DCDC1: variants seen among roughly 807,000 people sequenced by gnomAD.
DCDC1 encodes doublecortin domain-containing protein 1.
A neutral mutation model predicts 178.3 loss-of-function variants in DCDC1; 200 were observed. The ratio of observed to expected loss-of-function variants is 1.12; its 90% CI spans 1.00 to 1.26. The LOEUF (loss-of-function observed/expected upper bound fraction) is 1.26, where lower values mean the gene tolerates loss of function less well. Ranked by LOEUF, DCDC1 falls within the 50% of genes most tolerant of loss-of-function variation. The probability of loss-of-function intolerance (pLI) is 0.00; values close to 1 mark genes in which losing one functional copy is unlikely to be tolerated. For missense variants in DCDC1, 1,983 were observed against 1,749.2 expected (o/e 1.13, Z -2.38); for synonymous variants, 690 against 604.8 (o/e 1.14, Z -2.07).
intron 9 of DCDC1, among the ~76,000 whole-genome samples, chr11:31,155,449 A>G (rs978076593): frequency 6.6e-6 from 1 of 152,228 alleles, no homozygotes; most frequent in Admixed American, 6.5e-5. Flanking sequence ...TTCTCAAGAC[A>G]CAAACTTTGA....
intron 20 of DCDC1, among the ~76,000 whole-genome samples, chr11:31,036,004 T>C (rs891214843): frequency 2.6e-5 from 4 of 152,226 alleles, no homozygotes; most frequent in Admixed American, 6.5e-5. Context: ...AGAGATTTTT[T>C]CAGATTGGCT....
intron 23 of DCDC1, among the ~76,000 whole-genome samples, chr11:30,924,734 G>A (rs1946488327): frequency 6.6e-6 from 1 of 152,152 alleles, no homozygotes; most frequent in Non-Finnish European, 1.5e-5. Context: ...GCCTTCTCCA[G>A]TTTCTTCCTT....
At chr11:30,978,804 ACACACACACACACACACACACACC>A (rs1057437598) in intron 20 of DCDC1, among the ~76,000 whole-genome samples, 6 of 146,874 alleles carry the variant, frequency 4.1e-5, no homozygotes, top group African/African-American at 7.5e-5. Context: ...ACACACACAC[ACACACACACACACACACACACACC>A]CCCTTCTCAG....
intron 28 of DCDC1, among the ~76,000 whole-genome samples, chr11:30,910,297 A>G (rs1945354082): frequency 6.6e-6 from 1 of 152,196 alleles, no homozygotes. Context: ...AATATGATTA[A>G]GGTACTAAAA....
intron 20 of DCDC1, among the ~76,000 whole-genome samples, chr11:31,058,570 G>A (rs1489526710): frequency 1.3e-5 from 2 of 152,096 alleles, no homozygotes; most frequent in African/African-American, 4.8e-5. Flanking sequence ...GACTAGAGCA[G>A]AGGAAGGGAG....
chr11:31,225,687 A>G lies in DCDC1; in HGVS notation c.1221+15763T>C, dbSNP rs1349125335. On this transcript the variant is annotated intron_variant, in intron 9 of 38. Transcript: ENST00000684477. ...CTCTAGAGAGGAAGCACAGGGAAGA[A>G]AAATTATATATATATATCTAGGTAG... is the stretch of plus-strand genomic sequence containing the variant. 2.0e-5 allele frequency among the ~76,000 whole-genome samples: 3 copies of G among 150,216 alleles called. No individual in the cohort carries two copies. The Admixed American group carries it at 2.0e-4, about 10-fold the overall frequency.
intron 20 of DCDC1, among the ~76,000 whole-genome samples, chr11:30,970,416 C>T (rs971583197): frequency 6.6e-6 from 1 of 152,156 alleles, no homozygotes; most frequent in Non-Finnish European, 1.5e-5. Flanking sequence ...TTGCAGCTAC[C>T]ACTGTGGCTT....
At chr11:31,002,427 C>T (rs1006584946) in intron 20 of DCDC1, among the ~76,000 whole-genome samples, 12 of 152,102 alleles carry the variant, frequency 7.9e-5, no homozygotes, top group Admixed American at 5.9e-4. Flanking sequence ...TAAGTTTTAA[C>T]GTAACTGCTG....
chr11:31,253,120 G>A (rs1944166045), intron 8 of DCDC1, among the ~76,000 whole-genome samples: 1 of 152,122 alleles, frequency 6.6e-6, no homozygotes, highest in South Asian at 2.1e-4. Context: ...GAATCATTAA[G>A]CATGAGAACT....
At chr11:31,178,894 T>C (rs759207324) in intron 9 of DCDC1, among the ~76,000 whole-genome samples, 13 of 152,082 alleles carry the variant, frequency 8.5e-5, no homozygotes, top group Non-Finnish European at 1.6e-4. Flanking sequence ...GGTTACACCA[T>C]GTTTGCCAGG....
intron 20 of DCDC1, among the ~76,000 whole-genome samples, chr11:30,955,372 A>G (rs1478199088): frequency 1.3e-5 from 2 of 152,148 alleles, no homozygotes; most frequent in Admixed American, 6.5e-5. Context: ...TCATTTATTG[A>G]AGAGTTTACT....
chr11:31,277,321 C>A (rs1946066439), intron 7 of DCDC1, among the ~76,000 whole-genome samples: 1 of 152,052 alleles, frequency 6.6e-6, no homozygotes, highest in South Asian at 2.1e-4. Flanking sequence ...TTTATCCATT[C>A]ACAGGTATAT....
At chr11:31,163,165 G>A (rs1394404304) in intron 9 of DCDC1, among the ~76,000 whole-genome samples, 1 of 152,142 alleles carries the variant, frequency 6.6e-6, no homozygotes, top group Admixed American at 6.6e-5. Flanking sequence ...GTCCACTGAA[G>A]TGCCTGGGTG....
chr11:31,079,788 T>C (rs540947981), intron 17 of DCDC1, among the ~76,000 whole-genome samples: 1 of 152,056 alleles, frequency 6.6e-6, no homozygotes, highest in Non-Finnish European at 1.5e-5. Flanking sequence ...ATTTGATGAT[T>C]GAATAAATGA....
chr11:31,223,495 A>G (rs1440295635), intron 9 of DCDC1, among the ~76,000 whole-genome samples: 1 of 152,190 alleles, frequency 6.6e-6, no homozygotes, highest in African/African-American at 2.4e-5. Flanking sequence ...TTACTTCTAG[A>G]TATATACCCT....
chr11:31,261,710 C>A (rs1400707713), intron 8 of DCDC1, among the ~76,000 whole-genome samples: 2 of 152,000 alleles, frequency 1.3e-5, no homozygotes, highest in Admixed American at 1.3e-4. Context: ...AGTAACCAAT[C>A]CCCCACGGAT....
chr11:31,139,514 C>T (rs1963567639), intron 9 of DCDC1, among the ~76,000 whole-genome samples: 1 of 152,064 alleles, frequency 6.6e-6, no homozygotes, highest in South Asian at 2.1e-4. Flanking sequence ...AAGAGAGGGA[C>T]TGGAGAATAT....
At chr11:30,909,765 CAA>C (rs1258056242) in intron 28 of DCDC1, among the ~76,000 whole-genome samples, 1 of 151,968 alleles carries the variant, frequency 6.6e-6, no homozygotes, top group African/African-American at 2.4e-5. Context: ...CATTGATTAT[CAA>C]AGAGGTTTAT....
intron 6 of DCDC1, 56 bp from the exon 7 acceptor site, chr11:31,290,908 C>T: frequency 6.7e-7 from 1 of 1,483,512 alleles, no homozygotes; most frequent in South Asian, 1.2e-5. Flanking sequence ...TAAAAATGGA[C>T]ACATCATACT....
Sources: gnomAD v4.1 joint callset for allele counts (sites outside exome capture counted in the v4.1 genomes callset) on GRCh38, gnomAD v4.1.1 for gene constraint, MANE v1.5 for transcripts, NCBI Gene and HGNC (gene_info 2026-07-23, HGNC 2026-07-21) for gene names.